The following PPFIBP2 variants were observed in gnomAD, a reference collection of about 807,000 sequenced individuals.
The protein encoded by PPFIBP2 is PPFIB scaffold protein 2.
PPFIBP2 carries 118 observed loss-of-function variants against 118.3 expected under a neutral mutation model. That is an observed-to-expected ratio of 1.00 (90% CI 0.86 to 1.16). The LOEUF (loss-of-function observed/expected upper bound fraction) is 1.16. PPFIBP2 is among the 50% of genes most tolerant of loss of function. The probability of loss-of-function intolerance (pLI) is 0.00; values close to 1 mark genes in which losing one functional copy is unlikely to be tolerated. For synonymous variants in PPFIBP2, 414 were observed against 397.4 expected, an observed-to-expected ratio of 1.04 and a Z score of -0.50; for missense variants, 1,195 against 1,073.1, an observed-to-expected ratio of 1.11 and a Z score of -1.59.
Position 7,549,455 on chromosome 11 carries a change from G to C in PPFIBP2, c.-21G>C. On this transcript the variant is annotated 5_prime_UTR_variant, in exon 2 of 24. Transcript: ENST00000299492. ...GAATTTTCAGTAAGAAGAGGAGGAGGCCAGGCAGGCAAAAGGAGTCATGGC... is the reference window on the plus strand; with the variant it reads ...GAATTTTCAGTAAGAAGAGGAGGAGCCCAGGCAGGCAAAAGGAGTCATGGC... 2 of 1,554,944 alleles carry C rather than the reference G, an allele frequency of 1.3e-6. No homozygotes were observed. The highest frequency in any genetic ancestry group is 1.9e-5 in the Admixed American group (1 of 51,488).
chr11:7,632,115 T>G (rs1307823245), intron 11 of PPFIBP2, among the ~76,000 whole-genome samples: 2 of 152,260 alleles, frequency 1.3e-5, no homozygotes, highest in Non-Finnish European at 2.9e-5. Context: ...GACACGGGAC[T>G]GTATTATTTC....
chr11:7,520,469 T>G (rs4078280), intron 1 of PPFIBP2, among the ~76,000 whole-genome samples: 73,934 of 151,956 alleles, frequency 0.49, 18,537 homozygotes, highest in African/African-American at 0.58. Context: ...CAGGGAGAAT[T>G]TTTCAGTTTA....
intron 15 of PPFIBP2, among the ~76,000 whole-genome samples, chr11:7,640,268 C>G (rs879702972): frequency 6.6e-6 from 1 of 152,136 alleles, no homozygotes; most frequent in Non-Finnish European, 1.5e-5. Flanking sequence ...CTGATCTTCT[C>G]TCTCCTGTCT....
chr11:7,657,902 G>T (rs1854796121), downstream of PPFIBP2, among the ~76,000 whole-genome samples: 1 of 152,140 alleles, frequency 6.6e-6, no homozygotes, highest in African/African-American at 2.4e-5. Context: ...CTCTGCACTG[G>T]CTCCTGTAGA....
the PPFIBP2 span, among the ~76,000 whole-genome samples, chr11:7,662,276 C>T: frequency 4.1e-4 from 63 of 152,232 alleles, no homozygotes; most frequent in East Asian, 9.4e-3. Flanking sequence ...GATTTTGCAG[C>T]GACTGGTACC....
At chr11:7,585,141 T>C (rs1857904665) in intron 3 of PPFIBP2, among the ~76,000 whole-genome samples, 2 of 152,206 alleles carry the variant, frequency 1.3e-5, no homozygotes, top group Admixed American at 1.3e-4. Flanking sequence ...ACAGTGTATG[T>C]ACTGTGGCCA....
At chr11:7,635,738 C>A in intron 14 of PPFIBP2, 145 bp downstream of exon 14, 2 of 770,502 alleles carry the variant, frequency 2.6e-6, no homozygotes, top group Non-Finnish European at 2.2e-6. Flanking sequence ...CTTTTCTCTC[C>A]CATTTTATTT....
intron 5 of PPFIBP2, among the ~76,000 whole-genome samples, chr11:7,601,670 T>C (rs12290693): frequency 0.14 from 21,612 of 151,966 alleles, 3,044 homozygotes; most frequent in African/African-American, 0.36. Flanking sequence ...TAAGAAGAGT[T>C]ATTTCTCGGC....
chr11:7,648,744 T>C (rs1853521996), intron 18 of PPFIBP2, 56 bp from the exon 19 acceptor site: 3 of 1,554,552 alleles, frequency 1.9e-6, no homozygotes, highest in Non-Finnish European at 2.7e-6. Context: ...CAGCTTTCTC[T>C]GAGGGCCAAA....
intron 1 of PPFIBP2, among the ~76,000 whole-genome samples, chr11:7,544,883 C>T (rs1250772039): frequency 6.6e-6 from 1 of 151,428 alleles, no homozygotes; most frequent in Non-Finnish European, 1.5e-5. Flanking sequence ...CTCTCTCTGT[C>T]TTCTCCCTGG....
chr11:7,565,844 G>C (rs1301965923), intron 3 of PPFIBP2, 77 bp downstream of exon 3: 1 of 1,474,974 alleles, frequency 6.8e-7, no homozygotes, highest in African/African-American at 1.4e-5. Flanking sequence ...CTGCTGACTG[G>C]GGCTGTTGAG....
chr11:7,641,947 G>A, intron 16 of PPFIBP2: 1 of 403,938 alleles, frequency 2.5e-6, no homozygotes, highest in Admixed American at 4.1e-5. Flanking sequence ...CTTCTTAGGA[G>A]TCAGTCTGTT....
chr11:7,532,995 C>T (rs1460045081), intron 1 of PPFIBP2, among the ~76,000 whole-genome samples: 7 of 151,590 alleles, frequency 4.6e-5, no homozygotes, highest in African/African-American at 9.7e-5. Flanking sequence ...AAGTTACGCA[C>T]GCTCCAGCTA....
At chr11:7,563,651 A>G (rs979793197) in intron 2 of PPFIBP2, among the ~76,000 whole-genome samples, 2 of 152,204 alleles carry the variant, frequency 1.3e-5, no homozygotes, top group African/African-American at 4.8e-5. Context: ...TTTCCAGTAG[A>G]GTCCTAATTT....
intron 3 of PPFIBP2, chr11:7,577,624 T>C (rs1348956993): frequency 2.2e-6 from 1 of 456,512 alleles, no homozygotes; most frequent in South Asian, 1.5e-5. Context: ...CAAGCATTTC[T>C]CGTGGCTGAA....
intron 9 of PPFIBP2, among the ~76,000 whole-genome samples, chr11:7,628,640 G>C (rs1034371763): frequency 6.6e-6 from 1 of 152,176 alleles, no homozygotes; most frequent in African/African-American, 2.4e-5. Context: ...CAATATCATA[G>C]CTCCTGCTGG....
intron 2 of PPFIBP2, among the ~76,000 whole-genome samples, chr11:7,552,267 G>A (rs1190750106): frequency 1.3e-5 from 2 of 152,220 alleles, no homozygotes; most frequent in Non-Finnish European, 1.5e-5. Context: ...GTGTTGACAT[G>A]CGTAAGGTGC....
intron 8 of PPFIBP2, among the ~76,000 whole-genome samples, chr11:7,626,674 C>G (rs1850053781): frequency 6.6e-6 from 1 of 152,238 alleles, no homozygotes; most frequent in Non-Finnish European, 1.5e-5. Context: ...GATAAATCCT[C>G]AACTACTGTA....
At chr11:7,539,269 TGG>T (rs1047429618) in intron 1 of PPFIBP2, 3 of 152,490 alleles carry the variant, frequency 2.0e-5, no homozygotes, top group African/African-American at 7.2e-5. Context: ...CTCGCTGTGT[TGG>T]GCTCCTCTGT....
Sources: allele counts gnomAD v4.1 joint callset (sites outside exome capture counted in the v4.1 genomes callset), GRCh38; gene constraint gnomAD v4.1.1; transcripts MANE v1.5; gene names NCBI Gene and HGNC (gene_info 2026-07-23, HGNC 2026-07-21).